OSBPL9: variants seen among roughly 807,000 people sequenced by gnomAD.
The protein encoded by OSBPL9 is oxysterol binding protein like 9.
A neutral mutation model predicts 106.6 loss-of-function variants in OSBPL9; 40 were observed. The ratio of observed to expected loss-of-function variants is 0.38; its 90% CI spans 0.29 to 0.49. The LOEUF (loss-of-function observed/expected upper bound fraction) is 0.49. OSBPL9 is among the 20% of genes least tolerant of loss of function. OSBPL9 has a pLI of 0.97. For synonymous variants in OSBPL9, 269 were observed against 295.4 expected (o/e 0.91, Z 0.92); for missense variants, 609 against 887.2 (o/e 0.69, Z 3.98).
chr1:51,624,276 A>G (rs1644629321), intron 1 of OSBPL9, among the ~76,000 whole-genome samples: 1 of 152,154 alleles, frequency 6.6e-6, no homozygotes, highest in Non-Finnish European at 1.5e-5. Flanking sequence ...TAAAAGGAAC[A>G]AAAGAAAAAT....
chr1:51,762,311 C>G (rs1230636623), intron 11 of OSBPL9, among the ~76,000 whole-genome samples: 1 of 152,028 alleles, frequency 6.6e-6, no homozygotes, highest in Non-Finnish European at 1.5e-5. Context: ...GGACCACAGG[C>G]ACACACACCA....
At chr1:51,528,740 G>T in the OSBPL9 span, among the ~76,000 whole-genome samples, 1 of 151,986 alleles carries the variant, frequency 6.6e-6, no homozygotes, top group Non-Finnish European at 1.5e-5. Flanking sequence ...AGGCATGGTG[G>T]AGTACACCCA....
the OSBPL9 span, among the ~76,000 whole-genome samples, chr1:51,539,309 T>TC: frequency 1.3e-5 from 2 of 152,282 alleles, no homozygotes; most frequent in East Asian, 3.9e-4. Context: ...TCTTGATTCT[T>TC]CCATTTTCCT....
the OSBPL9 span, among the ~76,000 whole-genome samples, chr1:51,565,131 A>T: frequency 2.0e-5 from 3 of 152,044 alleles, no homozygotes; most frequent in Non-Finnish European, 2.9e-5. Flanking sequence ...TAGGGGCTGG[A>T]CTCCAGTTAC....
intron 3 of OSBPL9, among the ~76,000 whole-genome samples, chr1:51,695,875 T>C (rs1655913681): frequency 6.6e-6 from 1 of 152,150 alleles, no homozygotes; most frequent in South Asian, 2.1e-4. Flanking sequence ...TTATTTACAG[T>C]TAGAGATGGG....
At chr1:51,761,098 C>T (rs146122133) in intron 10 of OSBPL9, among the ~76,000 whole-genome samples, 1 of 152,214 alleles carries the variant, frequency 6.6e-6, no homozygotes, top group East Asian at 1.9e-4. Flanking sequence ...AATTACTATA[C>T]CTTATTCTGG....
intron 1 of OSBPL9, among the ~76,000 whole-genome samples, chr1:51,635,294 T>TAA (rs200222829): frequency 1.4e-5 from 2 of 147,470 alleles, no homozygotes; most frequent in African/African-American, 5.0e-5. Flanking sequence ...CCATCTGTAT[T>TAA]AAAAAAAAAA....
Position 51,746,705 on chromosome 1 carries a change from T to G in OSBPL9, c.415-5T>G, listed in dbSNP as rs759994388. ...ATACTATAACCATTTTTTAAAATCT[T>G]GTAGCTTTTTGATGACAAGCTTCAA... On this transcript the variant is annotated splice_region_variant and splice_polypyrimidine_tract_variant and intron_variant, in intron 5 of 23. Transcript: ENST00000428468. 8 of 1,604,256 alleles carry G rather than the reference T, an allele frequency of 5.0e-6. No individual in the cohort carries two copies. The highest frequency in any genetic ancestry group is 6.8e-6 in the Non-Finnish European group (8 of 1,173,490).
At chr1:51,683,250 G>A (rs750196730) in intron 3 of OSBPL9, among the ~76,000 whole-genome samples, 3 of 151,932 alleles carry the variant, frequency 2.0e-5, no homozygotes, top group Admixed American at 1.3e-4. Flanking sequence ...GTGCGATCTC[G>A]GCTCACCGCA....
At chr1:51,608,459 A>AT (rs112205799) in intron 2 of OSBPL9, among the ~76,000 whole-genome samples, 31,651 of 144,698 alleles carry the variant, frequency 0.22, 4,248 homozygotes, top group African/African-American at 0.39. Flanking sequence ...TGCCCAGCTA[A>AT]TTTTTTTTTT....
At chr1:51,743,534 TTCAGAAGAGTGAAAATACTTAAAGA>T in intron 4 of OSBPL9, among the ~76,000 whole-genome samples, 1 of 152,306 alleles carries the variant, frequency 6.6e-6, no homozygotes, top group African/African-American at 2.4e-5. Context: ...TCTAAATGGA[TTCAGAAGAGTGAAAATACTTAAAGA>T]TCACTTTTCC....
chr1:51,652,565 A>G (rs903204710), intron 2 of OSBPL9, among the ~76,000 whole-genome samples: 7 of 152,242 alleles, frequency 4.6e-5, no homozygotes, highest in African/African-American at 1.7e-4. Context: ...AGGTCAGTAT[A>G]TCTGAAATAT....
intron 3 of OSBPL9, among the ~76,000 whole-genome samples, chr1:51,703,883 A>G (rs1191380213): frequency 6.6e-6 from 1 of 152,188 alleles, no homozygotes; most frequent in Non-Finnish European, 1.5e-5. Flanking sequence ...TTCTGCATCT[A>G]TTGAGATAAT....
intron 4 of OSBPL9, among the ~76,000 whole-genome samples, chr1:51,727,618 G>A (rs766531384): frequency 2.6e-5 from 4 of 152,184 alleles, no homozygotes; most frequent in Non-Finnish European, 5.9e-5. Context: ...AATCGTGGTG[G>A]TTACATGTGT....
chr1:51,712,009 G>C (rs1660114010), intron 3 of OSBPL9, among the ~76,000 whole-genome samples: 1 of 152,060 alleles, frequency 6.6e-6, no homozygotes, highest in Admixed American at 6.5e-5. Flanking sequence ...CCCAGACGGG[G>C]TGGTGGCCGG....
chr1:51,530,107 C>G, the OSBPL9 span, among the ~76,000 whole-genome samples: 1 of 129,246 alleles, frequency 7.7e-6, no homozygotes, highest in Non-Finnish European at 1.6e-5. Context: ...GGAGGCGGAG[C>G]TTGCAGTGAG....
At chr1:51,533,714 GAGGTTGGAGTGCAGGGTGGGAGCTATGGC>G in the OSBPL9 span, among the ~76,000 whole-genome samples, 6 of 152,002 alleles carry the variant, frequency 3.9e-5, no homozygotes, top group African/African-American at 1.4e-4. Context: ...TCAGAAAACA[GAGGTTGGAGTGCAGGGTGGGAGCTATGGC>G]AGGACATGAG....
intron 1 of OSBPL9, among the ~76,000 whole-genome samples, chr1:51,619,751 A>G (rs1276522534): frequency 6.6e-6 from 1 of 152,198 alleles, no homozygotes; most frequent in Non-Finnish European, 1.5e-5. Context: ...GATATTGGCA[A>G]TGAATTCTAC....
the OSBPL9 span, among the ~76,000 whole-genome samples, chr1:51,541,711 T>C: frequency 6.6e-6 from 1 of 152,140 alleles, no homozygotes; most frequent in Non-Finnish European, 1.5e-5. Flanking sequence ...TGACTGATAT[T>C]TGAGCAAAAG....
Sources: allele counts gnomAD v4.1 joint callset (sites outside exome capture counted in the v4.1 genomes callset), GRCh38; gene constraint gnomAD v4.1.1; transcripts MANE v1.5; gene names NCBI Gene and HGNC (gene_info 2026-07-23, HGNC 2026-07-21).